Variants in CADPS observed in about 807,000 individuals in gnomAD.
CADPS encodes calcium-dependent secretion activator 1.
In CADPS, 57 loss-of-function variants were observed where a neutral mutation model predicts 167.3. The observed-to-expected ratio is 0.34, with a 90% CI of 0.28 to 0.42. The LOEUF (loss-of-function observed/expected upper bound fraction) is 0.42. Ranked by LOEUF, CADPS falls within the 20% of genes least tolerant of loss-of-function variation. The pLI is 1.00. For synonymous variants in CADPS, 676 were observed against 635.3 expected (o/e 1.06, Z -0.96); for missense variants, 1,414 against 1,738.1 (o/e 0.81, Z 3.32).
chr3:62,675,059 T>C (rs564684830), intron 3 of CADPS, among the ~76,000 whole-genome samples: 4 of 152,284 alleles, frequency 2.6e-5, no homozygotes, highest in African/African-American at 9.6e-5. Flanking sequence ...CTTACTCTAC[T>C]TACCCAGTGC....
At chr3:62,818,013 T>G (rs2094708825) in intron 1 of CADPS, among the ~76,000 whole-genome samples, 1 of 152,176 alleles carries the variant, frequency 6.6e-6, no homozygotes, top group Non-Finnish European at 1.5e-5. Context: ...TTTAAGTGAC[T>G]TTCTCCAATT....
chr3:62,590,050 G>T (rs1031027961), intron 7 of CADPS, among the ~76,000 whole-genome samples: 1 of 152,190 alleles, frequency 6.6e-6, no homozygotes, highest in East Asian at 1.9e-4. Context: ...TTAGCCAGAT[G>T]TGGTGGTAGG....
chr3:62,664,479 G>A (rs186455474), intron 3 of CADPS, among the ~76,000 whole-genome samples: 11 of 152,316 alleles, frequency 7.2e-5, no homozygotes, highest in Admixed American at 5.9e-4. Flanking sequence ...ACACACACGT[G>A]GGAAATACAG....
At chr3:62,847,332 G>C (rs2077658414) in intron 1 of CADPS, among the ~76,000 whole-genome samples, 1 of 133,926 alleles carries the variant, frequency 7.5e-6, no homozygotes, top group African/African-American at 2.9e-5. Context: ...CATTGTGCAG[G>C]TTAGTTACAT....
intron 6 of CADPS, among the ~76,000 whole-genome samples, chr3:62,616,852 C>T (rs577212569): frequency 1.4e-4 from 22 of 152,102 alleles, no homozygotes; most frequent in African/African-American, 5.3e-4. Context: ...TTATTATGCC[C>T]CAAATGTTAA....
intron 1 of CADPS, among the ~76,000 whole-genome samples, chr3:62,865,762 C>A (rs987743937): frequency 3.9e-5 from 6 of 152,064 alleles, no homozygotes; most frequent in African/African-American, 1.4e-4. Flanking sequence ...ATCCAATATG[C>A]AGTAGCTCTG....
chr3:62,491,505 T>C, intron 20 of CADPS, 25 bp from the exon 21 acceptor site: 1 of 1,609,080 alleles, frequency 6.2e-7, no homozygotes, highest in East Asian at 2.2e-5. Flanking sequence ...CAAAAGCTTG[T>C]TAAGAACCCA....
rs146080454 is a variant in CADPS at position 62,559,643 on chromosome 3, C to T, written c.1645-2130G>A. Among the ~76,000 whole-genome samples, 724 of 152,040 alleles carry T rather than the reference C, an allele frequency of 4.8e-3. 4 individuals are homozygous for T. Among genetic ancestry groups the T allele is most frequent in the African/African-American group, 0.017 (695 of 41,484 alleles). On this transcript the variant is annotated intron_variant, in intron 9 of 29. Transcript: ENST00000383710. ...CTGAGTAGCTGGGATTACAGGCATG[C>T]GCCACCATGTCTGGCTAATTTTGTA...
At chr3:62,522,144 TCTATCTAA>T (rs1471840544) in intron 13 of CADPS, among the ~76,000 whole-genome samples, 119 of 145,156 alleles carry the variant, frequency 8.2e-4, no homozygotes, top group African/African-American at 2.6e-3. Context: ...TATCTATCTA[TCTATCTAA>T]CTATTGAGAC....
At chr3:62,692,373 C>G (rs1282413798) in intron 3 of CADPS, among the ~76,000 whole-genome samples, 1 of 89,830 alleles carries the variant, frequency 1.1e-5, no homozygotes. Context: ...GCCTTGCACA[C>G]TTATGAGTAC....
At chr3:62,545,655 TC>T (rs1281360806) in intron 11 of CADPS, among the ~76,000 whole-genome samples, 8 of 152,102 alleles carry the variant, frequency 5.3e-5, no homozygotes, top group African/African-American at 1.9e-4. Flanking sequence ...AATACCCCAC[TC>T]CACTCTTCTC....
chr3:62,636,503 C>A (rs1388567176), intron 6 of CADPS, among the ~76,000 whole-genome samples: 4 of 152,152 alleles, frequency 2.6e-5, no homozygotes, highest in Non-Finnish European at 5.9e-5. Flanking sequence ...AGTTTAAACA[C>A]CAGAGCTCTA....
chr3:62,625,800 C>T (rs1176557545), intron 6 of CADPS: 1 of 150,944 alleles, frequency 6.6e-6, no homozygotes, highest in African/African-American at 2.5e-5. Context: ...GCCATCTTCT[C>T]CAGGACCATT....
chr3:62,594,386 C>A (rs950696990), intron 6 of CADPS, among the ~76,000 whole-genome samples: 7 of 151,998 alleles, frequency 4.6e-5, no homozygotes, highest in Non-Finnish European at 1.0e-4. Context: ...TGGTCTCGAT[C>A]TCCTGACCTC....
intron 9 of CADPS, among the ~76,000 whole-genome samples, chr3:62,561,067 A>G (rs1340656880): frequency 3.7e-5 from 5 of 136,370 alleles, no homozygotes; most frequent in African/African-American, 1.4e-4. Context: ...AGAAAGAGCG[A>G]AACTCCATCT....
chr3:62,436,031 G>T (rs2054957981), intron 28 of CADPS, among the ~76,000 whole-genome samples: 1 of 152,026 alleles, frequency 6.6e-6, no homozygotes, highest in African/African-American at 2.4e-5. Context: ...CAACAGTCAG[G>T]CAAGTCCAGT....
At position 62,555,680 on chromosome 3, in the gene CADPS, T is replaced by C. The variant is rs538035598; in HGVS notation, c.1753+1725A>G. Among the ~76,000 whole-genome samples the C allele has an allele frequency of 9.8e-5, 15 of 152,346 alleles. No individual in the cohort carries two copies. The South Asian group carries it at 2.9e-3, about 29-fold the overall frequency. On this transcript the variant is annotated intron_variant, in intron 10 of 29. Coordinates refer to ENST00000383710, the MANE Select transcript of CADPS (RefSeq NM_003716.4). ...AGCAATTATTGTCATAAGGTGGTAT[T>C]GATTTCCCTTCTCATATTGGCCCTT...
intron 10 of CADPS, among the ~76,000 whole-genome samples, chr3:62,555,657 C>A (rs2078016050): frequency 6.6e-6 from 1 of 152,186 alleles, no homozygotes; most frequent in Non-Finnish European, 1.5e-5. Flanking sequence ...GGCTTAAAAG[C>A]AATTATTGTC....
At chr3:62,736,925 T>G (rs1575646641) in intron 3 of CADPS, among the ~76,000 whole-genome samples, 1 of 151,904 alleles carries the variant, frequency 6.6e-6, no homozygotes, top group African/African-American at 2.4e-5. Context: ...AATTGCGAGG[T>G]TAGGAGATCA....
Sources: gnomAD v4.1 joint callset for allele counts (sites outside exome capture counted in the v4.1 genomes callset) on GRCh38, gnomAD v4.1.1 for gene constraint, MANE v1.5 for transcripts, NCBI Gene and HGNC (gene_info 2026-07-23, HGNC 2026-07-21) for gene names.